FIP1L1: variants seen among roughly 807,000 people sequenced by gnomAD.
The protein encoded by FIP1L1 is factor interacting with PAPOLA and CPSF1.
Under a neutral mutation model 84.6 loss-of-function variants are expected in FIP1L1, and 21 were observed. The ratio of observed to expected loss-of-function variants is 0.25; its 90% CI spans 0.18 to 0.36. The LOEUF (loss-of-function observed/expected upper bound fraction) is 0.36. Ranked by LOEUF, FIP1L1 falls within the 10% of genes least tolerant of loss-of-function variation. The pLI is 1.00. For synonymous variants in FIP1L1, 263 were observed against 242.3 expected, an observed-to-expected ratio of 1.09 and a Z score of -0.80; for missense variants, 526 against 751.1, an observed-to-expected ratio of 0.70 and a Z score of 3.50.
chr4:53,381,850 A>G (rs993916894), intron 3 of FIP1L1, among the ~76,000 whole-genome samples: 12 of 143,082 alleles, frequency 8.4e-5, no homozygotes, highest in South Asian at 2.2e-4. Flanking sequence ...TGCAACCTCT[A>G]TCTCCTGGGT....
intron 11 of FIP1L1, among the ~76,000 whole-genome samples, chr4:53,418,636 CA>C (rs1760871603): frequency 6.6e-6 from 1 of 151,936 alleles, no homozygotes; most frequent in Non-Finnish European, 1.5e-5. Flanking sequence ...ATTTTGTTTC[CA>C]TTTTATGTTA....
At chr4:53,411,943 A>G (rs1208678030) in intron 10 of FIP1L1, among the ~76,000 whole-genome samples, 3 of 152,126 alleles carry the variant, frequency 2.0e-5, no homozygotes, top group African/African-American at 4.8e-5. Context: ...CAAGCTAAAC[A>G]TACTTTTGTA....
intron 12 of FIP1L1, 59 bp from the exon 13 acceptor site, chr4:53,427,968 T>C: frequency 7.6e-7 from 1 of 1,315,914 alleles, no homozygotes. Context: ...ATTAATTTAC[T>C]AAGATTAATC....
At chr4:53,440,814 G>GA (rs1771562187) in intron 13 of FIP1L1, 1 of 500,216 alleles carries the variant, frequency 2.0e-6, no homozygotes, top group African/African-American at 2.0e-5. Context: ...CGTTTCTGTA[G>GA]AAATAGAGAT....
intron 11 of FIP1L1, among the ~76,000 whole-genome samples, chr4:53,421,305 A>G (rs1421537191): frequency 6.6e-6 from 1 of 152,166 alleles, no homozygotes; most frequent in Non-Finnish European, 1.5e-5. Flanking sequence ...TTTGGTTGGT[A>G]ACCACTATCA....
chr4:53,407,493 T>G (rs1754310162), intron 10 of FIP1L1, among the ~76,000 whole-genome samples: 1 of 152,182 alleles, frequency 6.6e-6, no homozygotes, highest in Non-Finnish European at 1.5e-5. Context: ...TCTGTTGATT[T>G]GGGGTGGAGA....
chr4:53,392,989 A>T (rs1431919142), intron 9 of FIP1L1, among the ~76,000 whole-genome samples: 1 of 152,192 alleles, frequency 6.6e-6, no homozygotes, highest in Non-Finnish European at 1.5e-5. Flanking sequence ...GTGTATTAAG[A>T]ATATGTGTGG....
chr4:53,456,646 A>T (rs1372724962), intron 16 of FIP1L1, among the ~76,000 whole-genome samples: 2 of 152,130 alleles, frequency 1.3e-5, no homozygotes, highest in Admixed American at 1.3e-4. Flanking sequence ...TAGGGAGCTT[A>T]ATTATGGGCC....
At chr4:53,398,651 A>T (rs1415054932) in intron 9 of FIP1L1, among the ~76,000 whole-genome samples, 1 of 152,186 alleles carries the variant, frequency 6.6e-6, no homozygotes, top group African/African-American at 2.4e-5. Flanking sequence ...AAGTGTAAGG[A>T]AACTTGAATT....
intron 10 of FIP1L1, among the ~76,000 whole-genome samples, chr4:53,404,989 C>A (rs1752454862): frequency 6.6e-6 from 1 of 151,986 alleles, no homozygotes; most frequent in Admixed American, 6.6e-5. Flanking sequence ...GTTTCTTTTG[C>A]TGTGCAGAAG....
At chr4:53,381,649 A>G (rs1737935648) in intron 3 of FIP1L1, among the ~76,000 whole-genome samples, 1 of 152,084 alleles carries the variant, frequency 6.6e-6, no homozygotes. Context: ...AGGATAATTA[A>G]AATTGATTAA....
At chr4:53,383,485 A>T (rs1262889543) in intron 4 of FIP1L1, among the ~76,000 whole-genome samples, 1 of 152,132 alleles carries the variant, frequency 6.6e-6, no homozygotes, top group African/African-American at 2.4e-5. Context: ...AACATGGTGA[A>T]ACCCTGTCTC....
chr4:53,411,885 A>G (rs1757393837), intron 10 of FIP1L1, among the ~76,000 whole-genome samples: 1 of 152,102 alleles, frequency 6.6e-6, no homozygotes, highest in African/African-American at 2.4e-5. Context: ...AAATACATAC[A>G]TACAGAAAAG....
intron 13 of FIP1L1, among the ~76,000 whole-genome samples, chr4:53,437,347 A>T (rs1560566184): frequency 6.6e-6 from 1 of 150,498 alleles, no homozygotes; most frequent in Non-Finnish European, 1.5e-5. Context: ...AAAAAAAAAA[A>T]AAAAAAGAGA....
At chr4:53,395,919 A>ATT (rs11400535) in intron 9 of FIP1L1, among the ~76,000 whole-genome samples, 18,640 of 147,664 alleles carry the variant, frequency 0.13, 2,123 homozygotes, top group South Asian at 0.29. Flanking sequence ...GTATTTTATG[A>ATT]TTTTTTTTTT....
chr4:53,408,815 G>C (rs1266222466), intron 10 of FIP1L1, among the ~76,000 whole-genome samples: 1 of 152,010 alleles, frequency 6.6e-6, no homozygotes, highest in Admixed American at 6.6e-5. Context: ...CATTCTTCAC[G>C]TAGTTCTCAA....
intron 10 of FIP1L1, 61 bp from the exon 11 acceptor site, chr4:53,414,548 AAAACAG>A: frequency 9.1e-7 from 1 of 1,094,370 alleles, no homozygotes; most frequent in Non-Finnish European, 1.3e-6. Context: ...GAAAAAAAAA[AAAACAG>A]AACAAGGGGG....
intron 13 of FIP1L1, among the ~76,000 whole-genome samples, chr4:53,434,253 A>G (rs1257616722): frequency 6.6e-6 from 1 of 152,144 alleles, no homozygotes; most frequent in African/African-American, 2.4e-5. Context: ...TTCTTATGAA[A>G]AATAACTGTA....
intron 11 of FIP1L1, among the ~76,000 whole-genome samples, chr4:53,421,601 A>G (rs1762456324): frequency 6.6e-6 from 1 of 152,218 alleles, no homozygotes; most frequent in Admixed American, 6.5e-5. Context: ...CAAGTTGGGA[A>G]TATGAGATAG....
Sources: gnomAD v4.1 joint callset for allele counts (sites outside exome capture counted in the v4.1 genomes callset) on GRCh38, gnomAD v4.1.1 for gene constraint, MANE v1.5 for transcripts, NCBI Gene and HGNC (gene_info 2026-07-23, HGNC 2026-07-21) for gene names.